The following ZC3H8 variants were observed in gnomAD, a reference collection of about 807,000 sequenced individuals.
ZC3H8 encodes the protein zinc finger CCCH domain-containing protein 8.
A neutral mutation model predicts 42.5 loss-of-function variants in ZC3H8; 27 were observed. The observed-to-expected ratio is 0.64, with a 90% confidence interval of 0.47 to 0.88. ZC3H8 has a LOEUF of 0.88. ZC3H8 is among the 40% of genes least tolerant of loss of function. The probability of loss-of-function intolerance (pLI) is 0.00; values close to 1 mark genes in which losing one functional copy is unlikely to be tolerated. For missense variants in ZC3H8, 277 were observed against 336.1 expected (o/e 0.82, Z 1.37); for synonymous variants, 101 against 110.1 (o/e 0.92, Z 0.52).
chr2:112,237,582 T>G (rs896737630), intron 3 of ZC3H8, among the ~76,000 whole-genome samples: 3 of 150,650 alleles, frequency 2.0e-5, no homozygotes, highest in African/African-American at 7.3e-5. Context: ...AATTTTAATT[T>G]TTTTTTTTTT....
chr2:112,250,433 G>A (rs1685907069), intron 1 of ZC3H8, among the ~76,000 whole-genome samples, 161 bp from the exon 2 acceptor site: 1 of 152,140 alleles, frequency 6.6e-6, no homozygotes, highest in African/African-American at 2.4e-5. Context: ...ACAAAATTAT[G>A]ATGACCAATA....
rs1290981198 is a variant in ZC3H8, at chr2:112,236,758, A to C, written c.371-63T>G. 4 of 1,437,688 alleles carry C rather than the reference A, an allele frequency of 2.8e-6. No homozygotes were observed. In the African/African-American group the frequency reaches 5.7e-5, roughly 20 times the overall value. The allele number at this position is 1,437,688 out of a possible 1,614,324, so 89.1% of individuals were successfully genotyped here. On this transcript the variant is annotated intron_variant, in intron 3 of 8. Transcript: ENST00000409573. ...TTACAATAGCAGTTTACTTTTAAGAAGTACGGGGCCAGGTGCAGTGGCTCA... is the reference window on the plus strand; with the variant it reads ...TTACAATAGCAGTTTACTTTTAAGACGTACGGGGCCAGGTGCAGTGGCTCA...
chr2:112,226,327 G>A (rs1167947124), intron 8 of ZC3H8, among the ~76,000 whole-genome samples: 3 of 151,806 alleles, frequency 2.0e-5, no homozygotes, highest in Admixed American at 6.6e-5. Flanking sequence ...GGTAGCTCAC[G>A]CCTGTAATCC....
At chr2:112,233,208 A>AAAG in intron 6 of ZC3H8, 52 bp downstream of exon 6, 2 of 1,302,308 alleles carry the variant, frequency 1.5e-6, no homozygotes, top group Non-Finnish European at 2.1e-6. Flanking sequence ...TGCACATTTA[A>AAAG]AATGTTCATG....
chr2:112,213,914 C>T lies in ZC3H8; in HGVS notation c.*2570G>A, dbSNP rs1684229989. On this transcript the variant is annotated 3_prime_UTR_variant, in exon 9 of 9. Coordinates refer to ENST00000409573, the MANE Select transcript of ZC3H8 (RefSeq NM_032494.3). ...AAATGAGAATTCTGTCCATTCTATT[C>T]TGTGATTTCCATAATGAAGACCCAC... 1 of 144,712 alleles carries T rather than the reference C, an allele frequency of 6.9e-6. No homozygotes were observed. The highest frequency in any genetic ancestry group is 1.5e-5 in the Non-Finnish European group (1 of 67,050). 9.0% of individuals were successfully genotyped at this position (144,712 alleles called of 1,614,324 possible).
intron 1 of ZC3H8, among the ~76,000 whole-genome samples, chr2:112,252,939 C>A (rs551689760): frequency 6.6e-6 from 1 of 152,118 alleles, no homozygotes; most frequent in African/African-American, 2.4e-5. Flanking sequence ...GTCAGGAGAT[C>A]GAGACCATCC....
rs1685538953 is a variant in ZC3H8, at chr2:112,240,650, A to C, written c.157-2122T>G. On this transcript the variant is annotated intron_variant, in intron 2 of 8. Transcript: ENST00000409573. ...AGACATGAAACAATCTGGCAACATT[A>C]ATAAAGCCAGGACAATCATCAATTT... Among the ~76,000 whole-genome samples the C allele has an allele frequency of 2.0e-5, 3 of 152,236 alleles. No homozygotes were observed. In the South Asian group the frequency reaches 6.2e-4, roughly 31 times the overall value.
chr2:112,227,171 TAGA>T (rs1265281322), intron 8 of ZC3H8, among the ~76,000 whole-genome samples: 2 of 152,362 alleles, frequency 1.3e-5, no homozygotes, highest in East Asian at 3.9e-4. Context: ...TAACCTTGTA[TAGA>T]AGGTTTCAGC....
At chr2:112,230,855 G>T in intron 8 of ZC3H8, 48 bp downstream of exon 8, 1 of 1,220,254 alleles carries the variant, frequency 8.2e-7, no homozygotes, top group South Asian at 1.6e-5. Flanking sequence ...CCAACTTCTG[G>T]AGATGTTCAG....
chr2:112,236,822 G>A (rs545530284), intron 3 of ZC3H8, 127 bp from the exon 4 acceptor site: 1 of 878,844 alleles, frequency 1.1e-6, no homozygotes, highest in Admixed American at 2.6e-5. Flanking sequence ...TGAGGCAGGA[G>A]GACTGCTCAA....
chr2:112,254,792 C>A, intron 1 of ZC3H8, 116 bp downstream of exon 1: 3 of 1,251,932 alleles, frequency 2.4e-6, no homozygotes, highest in Middle Eastern at 2.7e-4. Flanking sequence ...GTGCTCCCCA[C>A]GGGCCCTCGC....
intron 1 of ZC3H8, among the ~76,000 whole-genome samples, chr2:112,254,361 G>C (rs1315116901): frequency 6.6e-6 from 1 of 152,208 alleles, no homozygotes; most frequent in Non-Finnish European, 1.5e-5. Flanking sequence ...TCCAAATGAC[G>C]TCTGTTGCTT....
In ZC3H8 at chr2:112,215,752, C is replaced by T. The variant is rs1415749476; in HGVS notation, c.*732G>A. 2 of 152,190 alleles carry T rather than the reference C, an allele frequency of 1.3e-5. No individual in the cohort carries two copies. The highest frequency in any genetic ancestry group is 6.5e-5 in the Admixed American group (1 of 15,282). 9.4% of individuals were successfully genotyped at this position (152,190 alleles called of 1,614,324 possible). On this transcript the variant is annotated 3_prime_UTR_variant, in exon 9 of 9. Coordinates refer to ENST00000409573, the MANE Select transcript of ZC3H8 (RefSeq NM_032494.3). ...ATCTTGTGTTAATGATACCATCACA[C>T]TCCTAAAGTTTGTAACTCACACAAG...
intron 2 of ZC3H8, among the ~76,000 whole-genome samples, chr2:112,242,059 G>T (rs1291917763): frequency 1.3e-5 from 2 of 152,142 alleles, no homozygotes; most frequent in African/African-American, 4.8e-5. Context: ...GGCCTTTAGA[G>T]ACACAGACTT....
chr2:112,228,529 T>A (rs1219396678), intron 8 of ZC3H8, among the ~76,000 whole-genome samples: 1 of 147,916 alleles, frequency 6.8e-6, no homozygotes, highest in Admixed American at 6.7e-5. Context: ...GCTGGGACAA[T>A]TGGACATCTA....
chr2:112,247,219 C>A (rs1685794220), intron 2 of ZC3H8, among the ~76,000 whole-genome samples: 1 of 152,042 alleles, frequency 6.6e-6, no homozygotes, highest in African/African-American at 2.4e-5. Context: ...GAAATCAAAC[C>A]CTCAAAATCT....
chr2:112,217,242 A>G (rs1684366377), intron 8 of ZC3H8, among the ~76,000 whole-genome samples: 1 of 152,148 alleles, frequency 6.6e-6, no homozygotes, highest in Non-Finnish European at 1.5e-5. Flanking sequence ...ATGGTGGCAC[A>G]TGCCTGTAAT....
chr2:112,251,695 G>C lies in ZC3H8; in HGVS notation c.75-1423C>G, dbSNP rs948752161. On this transcript the variant is annotated intron_variant, in intron 1 of 8. Coordinates refer to ENST00000409573, the MANE Select transcript of ZC3H8 (RefSeq NM_032494.3). ...CAATCACAGAAAGGATATGTAACTT[G>C]TCACAGAGCTAATACATGGTGGAGC... Among the ~76,000 whole-genome samples, 4 of 152,200 alleles carry C rather than the reference G, an allele frequency of 2.6e-5. No individual in the cohort carries two copies. The East Asian group carries it at 5.8e-4, about 22-fold the overall frequency.
intron 8 of ZC3H8, among the ~76,000 whole-genome samples, chr2:112,225,141 T>C (rs1684762190): frequency 6.6e-6 from 1 of 152,240 alleles, no homozygotes; most frequent in African/African-American, 2.4e-5. Context: ...CCTGAGACTT[T>C]GCTGAATTTA....
Sources: gnomAD v4.1 joint callset for allele counts (sites outside exome capture counted in the v4.1 genomes callset) on GRCh38, gnomAD v4.1.1 for gene constraint, MANE v1.5 for transcripts, NCBI Gene and HGNC (gene_info 2026-07-23, HGNC 2026-07-21) for gene names.